Variants in GADL1 observed in about 807,000 individuals in gnomAD.
The protein encoded by GADL1 is acidic amino acid decarboxylase GADL1.
Under a neutral mutation model 69.5 loss-of-function variants are expected in GADL1, and 71 were observed. That is an observed-to-expected ratio of 1.02 (90% CI 0.84 to 1.25). The LOEUF is 1.25. Ranked by LOEUF, GADL1 falls within the 50% of genes most tolerant of loss-of-function variation. The pLI is 0.00. For synonymous variants in GADL1, 254 were observed against 214.4 expected, an observed-to-expected ratio of 1.18 and a Z score of -1.62; for missense variants, 737 against 631.8, an observed-to-expected ratio of 1.17 and a Z score of -1.79.
intron 1 of GADL1, among the ~76,000 whole-genome samples, chr3:30,891,232 G>A (rs1698781847): frequency 6.6e-6 from 1 of 152,052 alleles, no homozygotes; most frequent in Admixed American, 6.5e-5. Flanking sequence ...TTTTCCCTCA[G>A]AGCCAAGCTG....
chr3:30,745,765 T>C (rs895112070), intron 14 of GADL1, among the ~76,000 whole-genome samples: 5 of 152,226 alleles, frequency 3.3e-5, no homozygotes, highest in African/African-American at 1.2e-4. Flanking sequence ...TTTTTCTTTT[T>C]GTAAATCTAA....
Position 30,783,479 on chromosome 3 carries a change from C to G in GADL1, c.1302+2876G>C, listed in dbSNP as rs186469482. 4.1e-3 allele frequency among the ~76,000 whole-genome samples: 629 copies of G among 151,626 alleles called. 4 individuals are homozygous for G. The highest frequency in any genetic ancestry group is 6.1e-3 in the Non-Finnish European group (413 of 67,776). ...GGTATTGTCTTGTTATGTTCACTTACAATTTCCAATGTTCCACTTTCTCCT... is the reference window on the plus strand; with the variant it reads ...GGTATTGTCTTGTTATGTTCACTTAGAATTTCCAATGTTCCACTTTCTCCT... On this transcript the variant is annotated intron_variant, in intron 13 of 14. Transcript: ENST00000282538.
intron 14 of GADL1, among the ~76,000 whole-genome samples, chr3:30,763,507 C>CT (rs1553636649): frequency 1.6e-4 from 1 of 6,262 alleles, no homozygotes; most frequent in Non-Finnish European, 5.7e-4. Flanking sequence ...GTCTCGGCGG[C>CT]GGGGGGTGGG....
intron 14 of GADL1, among the ~76,000 whole-genome samples, chr3:30,749,507 A>T (rs1266564057): frequency 6.6e-6 from 1 of 152,222 alleles, no homozygotes; most frequent in Non-Finnish European, 1.5e-5. Context: ...TATTTTTAGC[A>T]ACAGGTGAAT....
At position 30,834,225 on chromosome 3, in the gene GADL1, G is replaced by A. The variant is rs1474403485; in HGVS notation, c.960C>T (p.Gly320=). 3.1e-6 allele frequency: 5 copies of A among 1,612,430 alleles called. No homozygotes were observed. The highest frequency in any genetic ancestry group is 4.2e-6 in the Non-Finnish European group (5 of 1,178,930). ...MSRKHRKLLH[G]IHRADSVAWN... Reference sequence around the variant, plus strand: ...CAGGAAACTACATTTACCTGTGGATGCCATGCAGAAGCTTGCGGTGCTTCC... The same window carrying A: ...CAGGAAACTACATTTACCTGTGGATACCATGCAGAAGCTTGCGGTGCTTCC... The change falls in exon 10 of 15, where the codon GGC becomes GGT. Residue 320 remains glycine (G), a synonymous_variant. Coordinates refer to ENST00000282538, the MANE Select transcript of GADL1 (RefSeq NM_207359.3).
intron 1 of GADL1, among the ~76,000 whole-genome samples, chr3:30,869,870 A>C (rs1165797345): frequency 6.6e-6 from 1 of 151,860 alleles, no homozygotes; most frequent in Non-Finnish European, 1.5e-5. Context: ...AATAAGGGAA[A>C]TTAGACATGT....
At chr3:30,782,034 C>A (rs1387370401) in intron 13 of GADL1, among the ~76,000 whole-genome samples, 1 of 152,122 alleles carries the variant, frequency 6.6e-6, no homozygotes, top group Non-Finnish European at 1.5e-5. Context: ...ATTGACTAGG[C>A]ATCAGGACAA....
Position 30,800,952 on chromosome 3 carries a change from G to T in GADL1, c.1187C>A (p.Thr396Asn), listed in dbSNP as rs1251183881. Residue 396 changes from threonine to asparagine, a missense_variant, in exon 12 of 15, where the codon ACC becomes AAC. Transcript: ENST00000282538. ...RRPDAFKFWM[T>N]WKALGTLGLE... ...GCCTAATGTACCCAGGGCCTTCCAG[G>T]TCATCCAGAACTTGAATGCATCTGG... The T allele has an allele frequency of 1.2e-6, 2 of 1,613,608 alleles. No individual in the cohort carries two copies. The highest frequency in any genetic ancestry group is 2.2e-5 in the South Asian group (2 of 91,050).
intron 4 of GADL1, among the ~76,000 whole-genome samples, chr3:30,852,642 A>G (rs1698166966): frequency 7.1e-6 from 1 of 139,866 alleles, no homozygotes; most frequent in Non-Finnish European, 1.6e-5. Context: ...TACTTTCATA[A>G]TAAAAAAAAA....
At chr3:30,821,202 A>G (rs1697572910) in intron 11 of GADL1, among the ~76,000 whole-genome samples, 3 of 152,044 alleles carry the variant, frequency 2.0e-5, no homozygotes, top group African/African-American at 7.2e-5. Context: ...GAGAGGAGGG[A>G]TAGCATTAGG....
At chr3:30,779,334 G>GT (rs1346799154) in intron 13 of GADL1, among the ~76,000 whole-genome samples, 2 of 152,178 alleles carry the variant, frequency 1.3e-5, no homozygotes, top group Non-Finnish European at 2.9e-5. Context: ...GCCATAAACA[G>GT]TTTGTAATAA....
chr3:30,844,021 A>C (rs1190215242), intron 8 of GADL1, among the ~76,000 whole-genome samples, 189 bp downstream of exon 8: 1 of 152,240 alleles, frequency 6.6e-6, no homozygotes. Flanking sequence ...AGAGCCAAGC[A>C]CTTGGAAATA....
At chr3:30,741,089 T>A (rs970175051) in intron 14 of GADL1, among the ~76,000 whole-genome samples, 2 of 86,612 alleles carry the variant, frequency 2.3e-5, no homozygotes, top group African/African-American at 5.8e-5. Context: ...TATAGGTGTT[T>A]GTATTATATA....
At chr3:30,730,888 CAT>C (rs1231572265) in intron 14 of GADL1, among the ~76,000 whole-genome samples, 1 of 152,036 alleles carries the variant, frequency 6.6e-6, no homozygotes, top group Non-Finnish European at 1.5e-5. Flanking sequence ...CATATATGCA[CAT>C]GTTAATATAC....
At chr3:30,766,341 C>A (rs564541150) in intron 14 of GADL1, among the ~76,000 whole-genome samples, 2 of 152,186 alleles carry the variant, frequency 1.3e-5, no homozygotes, top group African/African-American at 4.8e-5. Flanking sequence ...CCAGCACAGT[C>A]ACACAAGCTC....
chr3:30,849,622 G>A lies in GADL1; in HGVS notation c.651+374C>T, dbSNP rs116616284. ...AGTAAGATACACATCCCTTATATTA[G>A]CCAATCAAAGCAATCATTTTAAAAG... On this transcript the variant is annotated intron_variant, in intron 6 of 14. Transcript: ENST00000282538. Among the ~76,000 whole-genome samples, 1,496 of 151,874 alleles carry A rather than the reference G, an allele frequency of 9.9e-3. 25 individuals carry two copies. Among genetic ancestry groups the A allele is most frequent in the African/African-American group, 0.034 (1,428 of 41,402 alleles).
At chr3:30,838,089 C>T (rs1697902561) in intron 9 of GADL1, among the ~76,000 whole-genome samples, 1 of 152,016 alleles carries the variant, frequency 6.6e-6, no homozygotes, top group Non-Finnish European at 1.5e-5. Flanking sequence ...GTATATCCCC[C>T]CAAATGCTGT....
chr3:30,870,076 G>A (rs1698459417), intron 1 of GADL1, among the ~76,000 whole-genome samples: 1 of 151,772 alleles, frequency 6.6e-6, no homozygotes, highest in South Asian at 2.1e-4. Context: ...ATTATGTATA[G>A]AACTCTGTGT....
intron 14 of GADL1, among the ~76,000 whole-genome samples, chr3:30,754,285 C>T (rs1559488281): frequency 1.3e-5 from 2 of 152,170 alleles, no homozygotes; most frequent in African/African-American, 4.8e-5. Flanking sequence ...GAACCACATG[C>T]AAGCCTTTTG....
Sources: allele counts gnomAD v4.1 joint callset (sites outside exome capture counted in the v4.1 genomes callset), GRCh38; gene constraint gnomAD v4.1.1; transcripts MANE v1.5; gene names NCBI Gene and HGNC (gene_info 2026-07-23, HGNC 2026-07-21).